Variants in AGBL4 observed in about 807,000 individuals in gnomAD.
The protein encoded by AGBL4 is cytosolic carboxypeptidase 6.
In AGBL4, 58 loss-of-function variants were observed where a neutral mutation model predicts 66.4. The ratio of observed to expected loss-of-function variants is 0.87; its 90% CI spans 0.71 to 1.09. The LOEUF (loss-of-function observed/expected upper bound fraction) is 1.09, where lower values mean the gene tolerates loss of function less well. Among genes scored for constraint, AGBL4 ranks in the 50% least tolerant of loss-of-function variants. The pLI is 0.00. For missense variants in AGBL4, 579 were observed against 631.0 expected, an observed-to-expected ratio of 0.92 and a Z score of 0.88; for synonymous variants, 234 against 222.9, an observed-to-expected ratio of 1.05 and a Z score of -0.44.
intron 3 of AGBL4, among the ~76,000 whole-genome samples, chr1:49,397,226 T>C (rs1644992155): frequency 6.6e-6 from 1 of 151,420 alleles, no homozygotes; most frequent in Admixed American, 6.6e-5. Flanking sequence ...CAATATAGAA[T>C]GGCTTCTGTT....
At position 48,534,094 on chromosome 1, in the gene AGBL4, A is replaced by G; in HGVS notation, c.*79T>C. ...ATTAATCCACAAATCCTTGGAAGCT[A>G]GAGAAGAGTGATTAATTTCATTCCC... On this transcript the variant is annotated 3_prime_UTR_variant, in exon 14 of 14. Coordinates refer to ENST00000371839, the MANE Select transcript of AGBL4 (RefSeq NM_032785.4). 1 of 1,540,948 alleles carries G rather than the reference A, an allele frequency of 6.5e-7. No homozygotes were observed. Among genetic ancestry groups the G allele is most frequent in the Non-Finnish European group, 8.8e-7 (1 of 1,137,770 alleles).
intron 1 of AGBL4, among the ~76,000 whole-genome samples, chr1:49,875,917 G>T (rs1356751686): frequency 6.7e-6 from 1 of 149,310 alleles, no homozygotes; most frequent in East Asian, 2.0e-4. Context: ...GTGATGATGA[G>T]CATTTTTTCA....
At chr1:49,058,797 T>C (rs1010524324) in intron 4 of AGBL4, among the ~76,000 whole-genome samples, 1 of 152,110 alleles carries the variant, frequency 6.6e-6, no homozygotes, top group African/African-American at 2.4e-5. Context: ...CAGATGGAGA[T>C]GAGGAACTTG....
chr1:49,758,715 T>A (rs2147856412), intron 2 of AGBL4, among the ~76,000 whole-genome samples: 1 of 151,202 alleles, frequency 6.6e-6, no homozygotes, highest in Non-Finnish European at 1.5e-5. Context: ...TAACTAGCTT[T>A]TTTTTTTTTT....
chr1:49,420,695 C>T (rs1475608684), intron 3 of AGBL4, among the ~76,000 whole-genome samples: 5 of 111,732 alleles, frequency 4.5e-5, no homozygotes, highest in Non-Finnish European at 8.1e-5. Context: ...AGCGAGACTC[C>T]GTCTCAAAAA....
intron 3 of AGBL4, among the ~76,000 whole-genome samples, chr1:49,573,348 A>T (rs1644372442): frequency 6.6e-6 from 1 of 151,854 alleles, no homozygotes; most frequent in South Asian, 2.1e-4. Context: ...AAATGCTAGG[A>T]CTCTACTTCT....
chr1:48,771,196 C>A (rs548264270), intron 6 of AGBL4, among the ~76,000 whole-genome samples: 1 of 152,272 alleles, frequency 6.6e-6, no homozygotes, highest in South Asian at 2.1e-4. Context: ...GAAAATGTCT[C>A]CAGATTACGA....
At chr1:49,590,553 C>A (rs1414064113) in intron 3 of AGBL4, among the ~76,000 whole-genome samples, 1 of 152,006 alleles carries the variant, frequency 6.6e-6, no homozygotes, top group Non-Finnish European at 1.5e-5. Flanking sequence ...TTATTCTCTA[C>A]TTCTCTTAAT....
In AGBL4 at chr1:49,512,648, T is replaced by C. The variant is rs537361131; in HGVS notation, c.282+184665A>G. 7.4e-4 allele frequency among the ~76,000 whole-genome samples: 113 copies of C among 152,046 alleles called. 2 individuals are homozygous for C. In the South Asian group the frequency reaches 0.019, roughly 26 times the overall value. On this transcript the variant is annotated intron_variant, in intron 3 of 13. Transcript: ENST00000371839. ...CACCCTCTCCAAACCCAGAAGCAGA[T>C]ACCATGATGCTTCTTGTACAGCCTG...
chr1:49,676,810 A>C (rs1206505287), intron 3 of AGBL4, among the ~76,000 whole-genome samples: 2 of 152,070 alleles, frequency 1.3e-5, no homozygotes, highest in Non-Finnish European at 2.9e-5. Context: ...AAATGTAATA[A>C]AGCTGAATTT....
chr1:49,025,546 A>G (rs1663594358), intron 5 of AGBL4: 1 of 152,132 alleles, frequency 6.6e-6, no homozygotes, highest in Non-Finnish European at 1.5e-5. Context: ...CTTCTTGGCT[A>G]TGACATTCTA....
intron 3 of AGBL4, among the ~76,000 whole-genome samples, chr1:49,664,895 T>C (rs1646334013): frequency 1.3e-5 from 2 of 152,136 alleles, no homozygotes; most frequent in African/African-American, 2.4e-5. Flanking sequence ...AGGTGCTATA[T>C]GCTAAATCTA....
chr1:48,862,557 G>A (rs925857565), intron 6 of AGBL4, among the ~76,000 whole-genome samples: 3 of 152,202 alleles, frequency 2.0e-5, no homozygotes, highest in Middle Eastern at 3.4e-3. Context: ...TCCTGACCTC[G>A]TGATCTGCCT....
In AGBL4 at chr1:49,484,924, G is replaced by A. The variant is rs977155971; in HGVS notation, c.282+212389C>T. Among the ~76,000 whole-genome samples, 3 of 151,820 alleles carry A rather than the reference G, an allele frequency of 2.0e-5. No individual in the cohort carries two copies. In the South Asian group the frequency reaches 6.3e-4, roughly 32 times the overall value. ...AAAACTTTTAAAAATCTTTATAAAT[G>A]TAAAAGAAAAAAGCAGAAAATGTGG... On this transcript the variant is annotated intron_variant, in intron 3 of 13. Transcript: ENST00000371839.
intron 4 of AGBL4, among the ~76,000 whole-genome samples, chr1:49,195,404 T>C (rs1186082046): frequency 2.0e-5 from 3 of 152,210 alleles, no homozygotes; most frequent in African/African-American, 7.2e-5. Context: ...TCCTCCCTCA[T>C]TTATGAAGTT....
In AGBL4 at chr1:49,009,660, C is replaced by T. The variant is rs1268293064; in HGVS notation, c.594+35924G>A. On this transcript the variant is annotated intron_variant, in intron 5 of 13. Transcript: ENST00000371839. The stretch of plus-strand genomic sequence containing the variant: ...TACTGGCAAAACGAATCCAGCAGCA[C>T]ATCAAAAAGCTTATCCACCATGATC... 4.0e-5 allele frequency among the ~76,000 whole-genome samples: 6 copies of T among 150,668 alleles called. No homozygotes were observed. The East Asian group carries it at 9.7e-4, about 24-fold the overall frequency.
At chr1:48,741,937 C>T (rs1334576494) in intron 6 of AGBL4, among the ~76,000 whole-genome samples, 2 of 152,196 alleles carry the variant, frequency 1.3e-5, no homozygotes, top group East Asian at 3.8e-4. Context: ...AAATTTCCTC[C>T]CCTGCCCTGC....
chr1:49,632,858 G>A (rs139287313), intron 3 of AGBL4, among the ~76,000 whole-genome samples: 2,258 of 152,080 alleles, frequency 0.015, 20 homozygotes, highest in Non-Finnish European at 0.022. Flanking sequence ...GGCTGATCAC[G>A]AGATCAAGAG....
chr1:49,948,141 AAT>A (rs1174143031), intron 1 of AGBL4, among the ~76,000 whole-genome samples: 40 of 103,160 alleles, frequency 3.9e-4, no homozygotes, highest in East Asian at 1.9e-3. Context: ...AATATATGTA[AAT>A]ATATATAAAT....
Sources: gnomAD v4.1 joint callset for allele counts (sites outside exome capture counted in the v4.1 genomes callset) on GRCh38, gnomAD v4.1.1 for gene constraint, MANE v1.5 for transcripts, NCBI Gene and HGNC (gene_info 2026-07-23, HGNC 2026-07-21) for gene names.